The following TANK variants were observed in gnomAD, a reference collection of about 807,000 sequenced individuals.
TANK encodes TRAF family member-associated NF-kappa-B activator.
TANK carries 15 observed loss-of-function variants against 43.6 expected under a neutral mutation model. That is an observed-to-expected ratio of 0.34 (90% confidence interval 0.23 to 0.53). The LOEUF is 0.53. Among genes scored for constraint, TANK ranks in the 20% least tolerant of loss-of-function variants. The pLI, the probability that TANK is intolerant of heterozygous loss-of-function variation, is 0.94. For missense variants in TANK, 417 were observed against 498.6 expected (o/e 0.84, Z 1.56); for synonymous variants, 162 against 178.2 (o/e 0.91, Z 0.73).
In TANK at chr2:161,179,610, G is replaced by A; in HGVS notation, c.-49-4G>A. Reference sequence around the variant, plus strand: ...TTATCTAAATTGATCTCATTATTTTGCAGACCTGTCATTTACTCCATCCTT... The same window carrying A: ...TTATCTAAATTGATCTCATTATTTTACAGACCTGTCATTTACTCCATCCTT... On this transcript the variant is annotated splice_polypyrimidine_tract_variant and splice_region_variant and intron_variant, in intron 1 of 7. Coordinates refer to ENST00000392749, the MANE Select transcript of TANK (RefSeq NM_001199135.3). 1 of 1,596,880 alleles carries A rather than the reference G, an allele frequency of 6.3e-7. No homozygotes were observed. Among genetic ancestry groups the A allele is most frequent in the African/African-American group, 1.3e-5 (1 of 74,120 alleles).
At chr2:161,147,796 T>A (rs534244331) in intron 1 of TANK, among the ~76,000 whole-genome samples, 1 of 152,356 alleles carries the variant, frequency 6.6e-6, no homozygotes, top group East Asian at 1.9e-4. Context: ...TGTCTTTTTT[T>A]ACTTAGCACA....
At chr2:161,175,296 A>G (rs75655323) in intron 1 of TANK, among the ~76,000 whole-genome samples, 1,598 of 152,298 alleles carry the variant, frequency 0.01, 24 homozygotes, top group African/African-American at 0.035. Context: ...CTAATGAACA[A>G]TCCTTGAACC....
intron 4 of TANK, chr2:161,208,195 T>A: frequency 8.1e-6 from 8 of 985,332 alleles, no homozygotes; most frequent in Non-Finnish European, 9.6e-6. Flanking sequence ...TCTGGCTGCC[T>A]TGGAAAAAAG....
rs151075964 is a variant in TANK at position 161,213,933 on chromosome 2, T to C, written c.327+9140T>C. Among the ~76,000 whole-genome samples the C allele has an allele frequency of 2.6e-5, 4 of 152,316 alleles. No individual in the cohort carries two copies. In the East Asian group the frequency reaches 7.7e-4, roughly 29 times the overall value. On this transcript the variant is annotated intron_variant, in intron 4 of 7. Coordinates refer to ENST00000392749, the MANE Select transcript of TANK (RefSeq NM_001199135.3). The stretch of plus-strand genomic sequence containing the variant: ...CTATCTTGTACTTTGAGTATGTCTT[T>C]TACTAATGTATGATTCTGTAACATC...
At chr2:161,169,160 G>A (rs1684830722) in intron 1 of TANK, among the ~76,000 whole-genome samples, 1 of 152,166 alleles carries the variant, frequency 6.6e-6, no homozygotes, top group Non-Finnish European at 1.5e-5. Flanking sequence ...AGGTAAAGAA[G>A]GTCCCAAGAT....
rs911032598 is a variant in TANK, at chr2:161,207,761, A to G, written c.327+2968A>G. ...ACCTTTCCTAAAGAACTCTGAATATATGGTTATATTCAAGCTTCTTCCACA... is the reference window on the plus strand; with the variant it reads ...ACCTTTCCTAAAGAACTCTGAATATGTGGTTATATTCAAGCTTCTTCCACA... On this transcript the variant is annotated intron_variant, in intron 4 of 7. Coordinates refer to ENST00000392749, the MANE Select transcript of TANK (RefSeq NM_001199135.3). The G allele has an allele frequency of 1.7e-5, 17 of 985,368 alleles. No individual in the cohort carries two copies. In the East Asian group the frequency reaches 1.6e-3, roughly 92 times the overall value. The allele number at this position is 985,368 out of a possible 1,614,324, so 61.0% of individuals were successfully genotyped here.
chr2:161,151,343 T>G (rs987347856), intron 1 of TANK, among the ~76,000 whole-genome samples: 1 of 152,168 alleles, frequency 6.6e-6, no homozygotes, highest in Non-Finnish European at 1.5e-5. Context: ...TCTGTTTTTC[T>G]ATTTATTATT....
At chr2:161,217,109 A>G (rs2105370270) in intron 4 of TANK, among the ~76,000 whole-genome samples, 1 of 152,334 alleles carries the variant, frequency 6.6e-6, no homozygotes, top group East Asian at 1.9e-4. Context: ...TAAGAAACAG[A>G]CAAAATGTTT....
At chr2:161,208,361 A>G (rs1278375166) in intron 4 of TANK, among the ~76,000 whole-genome samples, 1 of 152,212 alleles carries the variant, frequency 6.6e-6, no homozygotes, top group Non-Finnish European at 1.5e-5. Flanking sequence ...AGGGACAGAA[A>G]GAGGTAAAGA....
upstream of TANK, among the ~76,000 whole-genome samples, chr2:161,158,264 G>C (rs1453236292): frequency 6.6e-6 from 1 of 151,868 alleles, no homozygotes; most frequent in East Asian, 1.9e-4. Flanking sequence ...TATGAGTGAA[G>C]GAAAATTGGA....
At chr2:161,188,356 T>A (rs1011754957) in intron 2 of TANK, among the ~76,000 whole-genome samples, 2 of 152,168 alleles carry the variant, frequency 1.3e-5, no homozygotes, top group African/African-American at 4.8e-5. Flanking sequence ...AGGACATTAT[T>A]ACCTACTTTA....
chr2:161,182,519 A>G (rs994290952), intron 2 of TANK, among the ~76,000 whole-genome samples: 1 of 152,122 alleles, frequency 6.6e-6, no homozygotes, highest in Non-Finnish European at 1.5e-5. Flanking sequence ...TTAACATCCA[A>G]ATGAAGAGAC....
At chr2:161,171,274 C>T (rs1030372024) in intron 1 of TANK, among the ~76,000 whole-genome samples, 2 of 152,170 alleles carry the variant, frequency 1.3e-5, no homozygotes, top group Non-Finnish European at 2.9e-5. Flanking sequence ...GAACTTGTTG[C>T]ATGGTACTGG....
chr2:161,208,697 A>C (rs1310720126), intron 4 of TANK, among the ~76,000 whole-genome samples: 1 of 152,178 alleles, frequency 6.6e-6, no homozygotes, highest in Non-Finnish European at 1.5e-5. Context: ...CACTTCCAAG[A>C]TGAGTCACTC....
chr2:161,177,028 C>T (rs942603547), intron 1 of TANK, among the ~76,000 whole-genome samples: 21 of 151,946 alleles, frequency 1.4e-4, no homozygotes, highest in African/African-American at 5.1e-4. Context: ...TTGTAAGTAG[C>T]CTTAGTATGT....
chr2:161,227,055 A>G (rs1179899931), intron 6 of TANK: 9 of 152,214 alleles, frequency 5.9e-5, no homozygotes, highest in Admixed American at 5.9e-4. Context: ...TCACCTGATC[A>G]TGTTTCTCAA....
intron 4 of TANK, among the ~76,000 whole-genome samples, chr2:161,215,093 A>G (rs952639907): frequency 3.9e-5 from 6 of 152,184 alleles, no homozygotes; most frequent in African/African-American, 1.4e-4. Context: ...CATGAACAGC[A>G]AAAATGTGCC....
chr2:161,161,915 G>A (rs1684456174), intron 1 of TANK: 1 of 152,288 alleles, frequency 6.6e-6, no homozygotes, highest in Non-Finnish European at 1.5e-5. Flanking sequence ...CAGGTAAGAA[G>A]GTAGTCCCCA....
At chr2:161,217,059 A>G (rs941928589) in intron 4 of TANK, among the ~76,000 whole-genome samples, 3 of 152,220 alleles carry the variant, frequency 2.0e-5, no homozygotes, top group Non-Finnish European at 4.4e-5. Flanking sequence ...ATTGGGTCAT[A>G]TAGTACTTAC....
Sources: gnomAD v4.1 joint callset for allele counts (sites outside exome capture counted in the v4.1 genomes callset) on GRCh38, gnomAD v4.1.1 for gene constraint, MANE v1.5 for transcripts, NCBI Gene and HGNC (gene_info 2026-07-23, HGNC 2026-07-21) for gene names.